The following SUGCT variants were observed in gnomAD, a reference collection of about 807,000 sequenced individuals.
SUGCT encodes the protein succinyl-CoA:glutarate-CoA transferase.
In SUGCT, 41 loss-of-function variants were observed where a neutral mutation model predicts 55.0. That is an observed-to-expected ratio of 0.74 (90% confidence interval 0.58 to 0.97). SUGCT has a LOEUF of 0.97. Among genes scored for constraint, SUGCT ranks in the 50% least tolerant of loss-of-function variants. SUGCT has a pLI of 0.00. For synonymous variants in SUGCT, 187 were observed against 200.4 expected (o/e 0.93, Z 0.56); for missense variants, 568 against 547.8 (o/e 1.04, Z -0.37).
the SUGCT span, among the ~76,000 whole-genome samples, chr7:40,902,888 G>T: frequency 2.6e-5 from 4 of 152,152 alleles, no homozygotes; most frequent in South Asian, 2.1e-4. Flanking sequence ...AACCAAAATT[G>T]TTAAAACTAG....
the SUGCT span, among the ~76,000 whole-genome samples, chr7:41,006,442 T>C: frequency 6.7e-6 from 1 of 149,596 alleles, no homozygotes; most frequent in African/African-American, 2.5e-5. Context: ...GCAAAATACC[T>C]TGCCCTTTTT....
intron 8 of SUGCT, among the ~76,000 whole-genome samples, chr7:40,300,533 C>G (rs977184225): frequency 6.6e-6 from 1 of 152,198 alleles, no homozygotes; most frequent in Non-Finnish European, 1.5e-5. Flanking sequence ...ATATTACAGT[C>G]TTCTCACATA....
chr7:40,330,551 G>A (rs1281580295), intron 9 of SUGCT, among the ~76,000 whole-genome samples: 2 of 151,938 alleles, frequency 1.3e-5, no homozygotes, highest in Admixed American at 6.6e-5. Context: ...GCTGGCAAAC[G>A]CTCCTACCTC....
intron 12 of SUGCT, among the ~76,000 whole-genome samples, chr7:40,683,394 G>A (rs1018747224): frequency 2.6e-5 from 4 of 152,164 alleles, no homozygotes; most frequent in Admixed American, 1.3e-4. Flanking sequence ...TTTCTTCAGG[G>A]CAGGCTTCTG....
chr7:40,283,655 A>G (rs1793116654), intron 8 of SUGCT, among the ~76,000 whole-genome samples: 1 of 152,224 alleles, frequency 6.6e-6, no homozygotes, highest in Non-Finnish European at 1.5e-5. Context: ...TGCTATTATC[A>G]GCAAGAGAGA....
chr7:40,699,367 G>A (rs571999894), intron 12 of SUGCT, among the ~76,000 whole-genome samples: 15 of 152,258 alleles, frequency 9.9e-5, no homozygotes, highest in Non-Finnish European at 2.2e-4. Context: ...GATGGGACAA[G>A]GTGGGGACGT....
rs144384512 is a variant in SUGCT, at chr7:40,501,017, C to G, written c.1089+4631C>G. ...ATAGCCCTCAGAGGGTTATACAAGTCAAGCAAAATTATATTCTTGTTTCTA... is the reference window on the plus strand; with the variant it reads ...ATAGCCCTCAGAGGGTTATACAAGTGAAGCAAAATTATATTCTTGTTTCTA... On this transcript the variant is annotated intron_variant, in intron 12 of 13. Coordinates refer to ENST00000335693, the MANE Select transcript of SUGCT (RefSeq NM_001193313.2). 8.2e-3 allele frequency among the ~76,000 whole-genome samples: 1,242 copies of G among 152,186 alleles called. 47 individuals are homozygous for G. Among genetic ancestry groups the G allele is most frequent in the Admixed American group, 0.059 (897 of 15,266 alleles).
the SUGCT span, among the ~76,000 whole-genome samples, chr7:40,998,594 A>T: frequency 1.3e-5 from 2 of 152,210 alleles, no homozygotes; most frequent in African/African-American, 4.8e-5. Context: ...TGTTACATCA[A>T]CTAGGGAGCT....
chr7:40,490,003 A>G (rs1471161832), intron 11 of SUGCT, among the ~76,000 whole-genome samples: 1 of 152,200 alleles, frequency 6.6e-6, no homozygotes. Context: ...GTGGTCCCAA[A>G]GCCTATGATC....
At chr7:40,354,812 A>G (rs1349413330) in intron 9 of SUGCT, among the ~76,000 whole-genome samples, 1 of 152,252 alleles carries the variant, frequency 6.6e-6, no homozygotes, top group African/African-American at 2.4e-5. Flanking sequence ...GAGGCTGGAT[A>G]CATAACAATA....
chr7:40,172,424 A>G (rs1784720743), intron 1 of SUGCT, among the ~76,000 whole-genome samples: 1 of 152,164 alleles, frequency 6.6e-6, no homozygotes, highest in Non-Finnish European at 1.5e-5. Flanking sequence ...CTAGATGCCT[A>G]AGGACACAGC....
intron 12 of SUGCT, among the ~76,000 whole-genome samples, chr7:40,606,112 G>A (rs1053767141): frequency 6.6e-6 from 1 of 152,172 alleles, no homozygotes; most frequent in African/African-American, 2.4e-5. Flanking sequence ...GTAGAGGAAT[G>A]TCAAAAATAG....
the SUGCT span, among the ~76,000 whole-genome samples, chr7:40,943,598 A>G: frequency 1.3e-5 from 2 of 149,922 alleles, no homozygotes; most frequent in South Asian, 2.1e-4. Flanking sequence ...TGTCCCTACA[A>G]AGGACATGAA....
At chr7:40,182,959 A>G (rs1785299691) in intron 3 of SUGCT, among the ~76,000 whole-genome samples, 1 of 152,136 alleles carries the variant, frequency 6.6e-6, no homozygotes, top group Admixed American at 6.5e-5. Flanking sequence ...AGAGAAGGAA[A>G]AGGAATCACA....
intron 8 of SUGCT, among the ~76,000 whole-genome samples, chr7:40,306,646 C>T (rs899987089): frequency 6.6e-6 from 1 of 152,052 alleles, no homozygotes; most frequent in South Asian, 2.1e-4. Flanking sequence ...TATCTGTTAT[C>T]TAAAATGTAA....
At chr7:40,622,114 C>T (rs148768315) in intron 12 of SUGCT, among the ~76,000 whole-genome samples, 6 of 152,258 alleles carry the variant, frequency 3.9e-5, no homozygotes, top group Non-Finnish European at 4.4e-5. Flanking sequence ...CCCAGAAATT[C>T]GGATTCATTT....
At chr7:40,246,458 C>T (rs1178780230) in intron 7 of SUGCT, among the ~76,000 whole-genome samples, 2 of 151,998 alleles carry the variant, frequency 1.3e-5, no homozygotes, top group South Asian at 4.1e-4. Context: ...CCATGTTGAC[C>T]AGGGTGATCT....
intron 8 of SUGCT, among the ~76,000 whole-genome samples, chr7:40,282,983 T>C (rs1793069563): frequency 6.6e-6 from 1 of 152,010 alleles, no homozygotes; most frequent in Non-Finnish European, 1.5e-5. Flanking sequence ...GGTGAAGATA[T>C]TTGGATATGA....
intron 6 of SUGCT, among the ~76,000 whole-genome samples, chr7:40,216,828 C>T (rs983243293): frequency 4.2e-4 from 64 of 151,258 alleles, no homozygotes; most frequent in African/African-American, 1.6e-3. Context: ...TGCACTCCAG[C>T]CTAGGTGACA....
Sources: gnomAD v4.1 joint callset for allele counts (sites outside exome capture counted in the v4.1 genomes callset) on GRCh38, gnomAD v4.1.1 for gene constraint, MANE v1.5 for transcripts, NCBI Gene and HGNC (gene_info 2026-07-23, HGNC 2026-07-21) for gene names.